The following RBFOX1 variants were observed in gnomAD, a reference collection of about 807,000 sequenced individuals.
The protein encoded by RBFOX1 is RNA binding protein fox-1 homolog 1.
RBFOX1 carries 8 observed loss-of-function variants against 57.7 expected under a neutral mutation model. The observed-to-expected ratio is 0.14, with a 90% CI of 0.08 to 0.25. The LOEUF (loss-of-function observed/expected upper bound fraction) is 0.25, where lower values mean the gene tolerates loss of function less well. Among genes scored for constraint, RBFOX1 ranks in the 10% least tolerant of loss-of-function variants. RBFOX1 has a pLI of 1.00. For synonymous variants in RBFOX1, 326 were observed against 222.4 expected, an observed-to-expected ratio of 1.47 and a Z score of -4.15; for missense variants, 611 against 548.5, an observed-to-expected ratio of 1.11 and a Z score of -1.14.
chr16:6,899,924 C>T lies in RBFOX1; in HGVS notation c.-15-152133C>T, dbSNP rs542953074. 7.2e-5 allele frequency among the ~76,000 whole-genome samples: 11 copies of T among 152,270 alleles called. No homozygotes were observed. In the South Asian group the frequency reaches 1.0e-3, roughly 14 times the overall value. On this transcript the variant is annotated intron_variant, in intron 3 of 15. Transcript: ENST00000550418. ...TTTTTGCCCATGTTCTGACCATAAC[C>T]ATTTGAACTATGTTTAGTCTTAATA...
chr16:6,543,207 C>G lies in RBFOX1; in HGVS notation c.-63-111396C>G, dbSNP rs753690279. Among the ~76,000 whole-genome samples, 8 of 152,306 alleles carry G rather than the reference C, an allele frequency of 5.3e-5. No homozygotes were observed. In the East Asian group the frequency reaches 9.7e-4, roughly 18 times the overall value. ...ATTCTTCAGGAGGGAAGAGGATGCA[C>G]TAGGCTTAATGTTTAACATTCTTTG... On this transcript the variant is annotated intron_variant, in intron 2 of 15. Coordinates refer to ENST00000550418, the MANE Select transcript of RBFOX1 (RefSeq NM_018723.4).
At chr16:6,335,239 G>C (rs1340577876) in intron 2 of RBFOX1, among the ~76,000 whole-genome samples, 1 of 152,200 alleles carries the variant, frequency 6.6e-6, no homozygotes, top group African/African-American at 2.4e-5. Context: ...AGAGAAATGG[G>C]AGGCAAAAGT....
At chr16:6,635,250 A>T (rs950675197) in intron 2 of RBFOX1, among the ~76,000 whole-genome samples, 1 of 151,380 alleles carries the variant, frequency 6.6e-6, no homozygotes, top group Non-Finnish European at 1.5e-5. Context: ...TATATTCATC[A>T]CTAAAAATGA....
intron 4 of RBFOX1, among the ~76,000 whole-genome samples, chr16:7,153,192 T>C (rs2076419155): frequency 9.9e-6 from 1 of 100,652 alleles, no homozygotes; most frequent in Admixed American, 8.6e-5. Flanking sequence ...GTGGACATAA[T>C]CATTTTTTTT....
chr16:5,255,354 C>CCATCCCTCCATCCA (rs1555468931), intron 1 of RBFOX1, among the ~76,000 whole-genome samples: 9 of 86,326 alleles, frequency 1.0e-4, no homozygotes, highest in East Asian at 3.6e-4. Flanking sequence ...CCATCCATCC[C>CCATCCCTCCATCCA]TCCATCCATC....
rs79644249 is a variant in RBFOX1, at chr16:5,908,307, C to T, written c.351+40972C>T. ...ATATATACACATATATATATACACA[C>T]ATATATACACACACACATATATATA... On this transcript the variant is annotated intron_variant, in intron 4 of 19. Transcript: ENST00000641259. Among the ~76,000 whole-genome samples, 46 of 137,810 alleles carry T rather than the reference C, an allele frequency of 3.3e-4. 1 individual carries two copies. Among genetic ancestry groups the T allele is most frequent in the Admixed American group, 1.9e-3 (26 of 14,016 alleles). 90.4% of individuals were successfully genotyped at this position (137,810 alleles called of 152,430 possible).
intron 4 of RBFOX1, among the ~76,000 whole-genome samples, chr16:5,929,328 C>G (rs528797572): frequency 6.6e-6 from 1 of 152,126 alleles, no homozygotes; most frequent in African/African-American, 2.4e-5. Flanking sequence ...CTCTCTCTCT[C>G]TCTCTCTCTT....
At chr16:7,208,420 T>G (rs2090434729) in intron 4 of RBFOX1, among the ~76,000 whole-genome samples, 1 of 152,176 alleles carries the variant, frequency 6.6e-6, no homozygotes, top group Non-Finnish European at 1.5e-5. Context: ...CAGCATCTGC[T>G]TCCGGTGAGG....
chr16:7,709,559 G>A (rs1165009997), intron 15 of RBFOX1: 3 of 1,531,850 alleles, frequency 2.0e-6, no homozygotes, highest in East Asian at 4.9e-5. Flanking sequence ...GGCCTCTGCT[G>A]TCAGGCAGCT....
intron 4 of RBFOX1, among the ~76,000 whole-genome samples, chr16:5,950,425 C>T (rs953398873): frequency 2.0e-5 from 3 of 152,154 alleles, no homozygotes; most frequent in Admixed American, 6.5e-5. Flanking sequence ...TTGGCAGTTC[C>T]ACATTGGTGG....
intron 3 of RBFOX1, among the ~76,000 whole-genome samples, chr16:6,894,944 A>G (rs920472386): frequency 1.3e-5 from 2 of 152,270 alleles, no homozygotes; most frequent in East Asian, 1.9e-4. Context: ...AATGTTTTCT[A>G]TCTAGAATTT....
At chr16:5,608,295 C>T (rs529205065) in intron 3 of RBFOX1, among the ~76,000 whole-genome samples, 63 of 152,296 alleles carry the variant, frequency 4.1e-4, no homozygotes, top group Non-Finnish European at 4.1e-4. Context: ...GGACGGGAAC[C>T]AAGGGCTCTG....
In RBFOX1 at chr16:7,460,195, G is replaced by T. The variant is rs546905570; in HGVS notation, c.28-57952G>T. On this transcript the variant is annotated intron_variant, in intron 4 of 15. Coordinates refer to ENST00000550418, the MANE Select transcript of RBFOX1 (RefSeq NM_018723.4). The stretch of plus-strand genomic sequence containing the variant: ...TGTCATTCCTCCTGTTTCTATTATA[G>T]CTGCCATTGCTCCAGACATCATGTG... Among the ~76,000 whole-genome samples the T allele has an allele frequency of 1.1e-4, 17 of 151,384 alleles. No individual in the cohort carries two copies. The South Asian group carries it at 2.7e-3, about 24-fold the overall frequency.
At chr16:6,643,615 T>A (rs1972363666) in intron 2 of RBFOX1, among the ~76,000 whole-genome samples, 1 of 152,198 alleles carries the variant, frequency 6.6e-6, no homozygotes, top group Non-Finnish European at 1.5e-5. Flanking sequence ...ATATTCAAAT[T>A]CAAGCACAGT....
intron 3 of RBFOX1, among the ~76,000 whole-genome samples, chr16:6,668,009 G>C (rs543322949): frequency 3.2e-4 from 48 of 152,272 alleles, no homozygotes; most frequent in African/African-American, 1.1e-3. Context: ...TGAGATCAGA[G>C]AGTATACATC....
At chr16:5,560,461 C>T (rs575234176) in intron 2 of RBFOX1, among the ~76,000 whole-genome samples, 3 of 152,280 alleles carry the variant, frequency 2.0e-5, no homozygotes, top group South Asian at 4.1e-4. Context: ...CACTGCACTG[C>T]AATCATCCAT....
At chr16:7,085,643 C>T (rs1316340993) in intron 4 of RBFOX1, among the ~76,000 whole-genome samples, 1 of 152,110 alleles carries the variant, frequency 6.6e-6, no homozygotes, top group African/African-American at 2.4e-5. Context: ...CTAAGTTTTC[C>T]TATCAGAAAG....
At chr16:6,819,956 C>G (rs1335161165) in intron 3 of RBFOX1, among the ~76,000 whole-genome samples, 1 of 152,146 alleles carries the variant, frequency 6.6e-6, no homozygotes, top group Non-Finnish European at 1.5e-5. Flanking sequence ...GGTATTTTCA[C>G]TCATCCTCTG....
At position 7,520,898 on chromosome 16, in the gene RBFOX1, A is replaced by G. The variant is rs764187968; in HGVS notation, c.270+2509A>G. 4.6e-5 allele frequency among the ~76,000 whole-genome samples: 7 copies of G among 151,390 alleles called. No individual in the cohort carries two copies. The South Asian group carries it at 6.4e-4, about 14-fold the overall frequency. On this transcript the variant is annotated intron_variant, in intron 5 of 15. Transcript: ENST00000550418. ...TTACGTATTCATTTATTTATTCACA[A>G]ATATTTATTAAGCTTCTATTAGGGC...
Sources: allele counts gnomAD v4.1 joint callset (sites outside exome capture counted in the v4.1 genomes callset), GRCh38; gene constraint gnomAD v4.1.1; transcripts MANE v1.5; gene names NCBI Gene and HGNC (gene_info 2026-07-23, HGNC 2026-07-21).